Variants in SCNN1A observed in about 807,000 individuals in gnomAD.
The protein encoded by SCNN1A is epithelial sodium channel subunit alpha.
In SCNN1A, 65 loss-of-function variants were observed where a neutral mutation model predicts 68.6. The observed-to-expected ratio is 0.95, with a 90% confidence interval of 0.78 to 1.16. The LOEUF (loss-of-function observed/expected upper bound fraction) is 1.16, where lower values mean the gene tolerates loss of function less well. SCNN1A is among the 50% of genes most tolerant of loss of function. The pLI is 0.00. For synonymous variants in SCNN1A, 357 were observed against 353.3 expected (o/e 1.01, Z -0.12); for missense variants, 880 against 865.9 (o/e 1.02, Z -0.20).
At chr12:6,348,484 T>C (rs753170626) in intron 12 of SCNN1A, among the ~76,000 whole-genome samples, 12 of 146,890 alleles carry the variant, frequency 8.2e-5, no homozygotes, top group Non-Finnish European at 1.6e-4. Flanking sequence ...GGGGCATGGG[T>C]CAAGCGCCTT....
intron 4 of SCNN1A, chr12:6,356,526 A>T (rs1443729128): frequency 1.2e-5 from 2 of 165,642 alleles, no homozygotes; most frequent in Non-Finnish European, 2.7e-5. Flanking sequence ...GTGAGCACGG[A>T]GCTGAGGGGA....
At chr12:6,364,491 C>T (rs1387934705) in intron 2 of SCNN1A, among the ~76,000 whole-genome samples, 2 of 152,076 alleles carry the variant, frequency 1.3e-5, no homozygotes, top group Non-Finnish European at 2.9e-5. Context: ...TGTGGTGGCT[C>T]ACGCCTGTAA....
Position 6,347,757 on chromosome 12 carries a change from A to C in SCNN1A, c.*116T>G. ...CCATCTTGCTTCCCCTCCACACATC[A>C]ACGGCAGTTTGGGCGGCTCTGAGAG... is the stretch of plus-strand genomic sequence containing the variant. On this transcript the variant is annotated 3_prime_UTR_variant, in exon 13 of 13. Transcript: ENST00000228916. 3.4e-6 allele frequency: 3 copies of C among 881,636 alleles called. No homozygotes were observed. The highest frequency in any genetic ancestry group is 5.5e-6 in the Non-Finnish European group (3 of 544,094). 54.6% of individuals were successfully genotyped at this position (881,636 alleles called of 1,614,324 possible).
rs752626882 is a variant in SCNN1A at position 6,363,526 on chromosome 12, G to C, written c.601C>G (p.Arg201Gly). 11 of 1,609,584 alleles carry C rather than the reference G, an allele frequency of 6.8e-6. No homozygotes were observed. The highest frequency in any genetic ancestry group is 6.7e-5 in the Admixed American group (4 of 59,678). ...LRVPPPPHGARRARSVASSLR... is the reference protein window; with the variant it reads ...LRVPPPPHGAGRARSVASSLR... Reference sequence around the variant, plus strand: ...CTGGAGGCCACGCTACGGGCTCGACGGGCCCCGTGAGGCGGGGGCGGGACC... The same window carrying C: ...CTGGAGGCCACGCTACGGGCTCGACCGGCCCCGTGAGGCGGGGGCGGGACC... Residue 201 changes from arginine to glycine, a missense_variant, in exon 3 of 13, where the codon CGT becomes GGT. Coordinates refer to ENST00000228916, the MANE Select transcript of SCNN1A (RefSeq NM_001038.6).
chr12:6,369,071 G>C (rs1948730229), intron 2 of SCNN1A, among the ~76,000 whole-genome samples: 1 of 152,128 alleles, frequency 6.6e-6, no homozygotes, highest in African/African-American at 2.4e-5. Context: ...CTTGCCTGGA[G>C]TTATTTCCAC....
At chr12:6,355,203 C>T (rs1163180844) in intron 6 of SCNN1A, 69 bp downstream of exon 6, 1 of 1,539,938 alleles carries the variant, frequency 6.5e-7, no homozygotes, top group African/African-American at 1.4e-5. Context: ...TCTCCAGCCT[C>T]CCATGCCTCC....
Position 6,354,511 on chromosome 12 carries a change from A to G in SCNN1A, c.1287T>C (p.Cys429=), listed in dbSNP as rs1165703215. Reference sequence around the variant, plus strand: ...GCGGATAGAAGATGTAGGCACAGCCACACTCCTTGATCATGCTCTCCTGGA... The same window carrying G: ...GCGGATAGAAGATGTAGGCACAGCCGCACTCCTTGATCATGCTCTCCTGGA... The part of the protein sequence containing the change: ...SCFQESMIKE[C]GCAYIFYPRP... Residue 429 remains cysteine, a synonymous_variant, in exon 8 of 13, where the codon TGT becomes TGC. Transcript: ENST00000228916. The G allele has an allele frequency of 1.2e-6, 2 of 1,613,830 alleles. No homozygotes were observed. Among genetic ancestry groups the G allele is most frequent in the Non-Finnish European group, 1.7e-6 (2 of 1,179,998 alleles).
intron 8 of SCNN1A, among the ~76,000 whole-genome samples, chr12:6,350,791 C>T (rs909336705): frequency 7.9e-5 from 12 of 151,984 alleles, no homozygotes; most frequent in South Asian, 2.1e-4. Context: ...TTGCCAAGAT[C>T]GTGCCACTGC....
At chr12:6,348,692 C>CA in intron 12 of SCNN1A, 35 bp downstream of exon 12, 1 of 1,576,200 alleles carries the variant, frequency 6.3e-7, no homozygotes, top group African/African-American at 1.4e-5. Context: ...GTAAGACCCC[C>CA]AGAGCATCAC....
In SCNN1A at chr12:6,375,224, T is replaced by G. The variant is rs1055291189; in HGVS notation, c.-55+281A>C. On this transcript the variant is annotated intron_variant, in intron 1 of 12. Coordinates refer to ENST00000228916, the MANE Select transcript of SCNN1A (RefSeq NM_001038.6). ...ACTCCCTCTCTATCTGCCTTCTGTT[T>G]CTCTTTGGGTCTCTCCTGCTCTCCT... The G allele has an allele frequency of 3.5e-6, 5 of 1,440,436 alleles. No homozygotes were observed. In the East Asian group the frequency reaches 1.0e-4, roughly 29 times the overall value. The allele number at this position is 1,440,436 out of a possible 1,614,324, so 89.2% of individuals were successfully genotyped here.
intron 2 of SCNN1A, among the ~76,000 whole-genome samples, chr12:6,368,896 C>T (rs759584701): frequency 2.0e-5 from 3 of 152,202 alleles, no homozygotes; most frequent in Non-Finnish European, 4.4e-5. Context: ...GGGCATAACA[C>T]TAGATCTGCC....
chr12:6,367,086 A>C (rs12581183), intron 2 of SCNN1A, among the ~76,000 whole-genome samples: 37,843 of 151,948 alleles, frequency 0.25, 4,926 homozygotes, highest in South Asian at 0.35. Context: ...AAAAATACAA[A>C]AATTAGCCAG....
chr12:6,349,695 T>A (rs1037581154), intron 8 of SCNN1A: 11 of 348,312 alleles, frequency 3.2e-5, no homozygotes, highest in Admixed American at 8.1e-5. Flanking sequence ...GGCAACAGAG[T>A]GAGACCTTGT....
Position 6,348,062 on chromosome 12 carries a change from G to A in SCNN1A, c.1821C>T (p.Ser607=), listed in dbSNP as rs761525147. ...RGGRGAQEVA[S]TLASSPPSHF... ...GGGAAGGAGGGGAGGATGCCAGGGT[G>A]GAGGCTACCTCCTGAGCACCCCTGC... Residue 607 remains serine, a synonymous_variant, in exon 13 of 13, where the codon TCC becomes TCT. Transcript: ENST00000228916. 11 of 1,613,338 alleles carry A rather than the reference G, an allele frequency of 6.8e-6. No individual in the cohort carries two copies. The East Asian group carries it at 2.5e-4, about 36-fold the overall frequency.
In SCNN1A at chr12:6,347,746, CTCCACACATCAACGGCAG is replaced by C. The variant is rs1948282502; in HGVS notation, c.*109_*126del. 1 of 809,696 alleles carries C rather than the reference CTCCACACATCAACGGCAG, an allele frequency of 1.2e-6. No individual in the cohort carries two copies. Among genetic ancestry groups the C allele is most frequent in the Admixed American group, 2.1e-5 (1 of 48,618 alleles). The allele number at this position is 809,696 out of a possible 1,614,324, so 50.2% of individuals were successfully genotyped here. ...TGAGCCCTTACCCATCTTGCTTCCC[CTCCACACATCAACGGCAG>C]TTTGGGCGGCTCTGAGAGGAAGCCC... On this transcript the variant is annotated 3_prime_UTR_variant, in exon 13 of 13. Transcript: ENST00000228916.
intron 10 of SCNN1A, 48 bp from the exon 11 acceptor site, chr12:6,349,053 G>T (rs373451418): frequency 3.7e-6 from 6 of 1,608,472 alleles, no homozygotes; most frequent in Middle Eastern, 1.7e-4. Flanking sequence ...TATGCTTCAG[G>T]CTTACAGGGA....
Position 6,358,190 on chromosome 12 carries a change from T to C in SCNN1A, c.876-2310A>G, listed in dbSNP as rs1048902138. Among the ~76,000 whole-genome samples, 3 of 152,228 alleles carry C rather than the reference T, an allele frequency of 2.0e-5. No individual in the cohort carries two copies. In the East Asian group the frequency reaches 5.8e-4, roughly 29 times the overall value. ...GGGGTGTTGAGCATGAAATTATGCT[T>C]AGAATGGTGTCTAGCCTTAGTAAGA... On this transcript the variant is annotated intron_variant, in intron 4 of 12. Coordinates refer to ENST00000228916, the MANE Select transcript of SCNN1A (RefSeq NM_001038.6).
intron 4 of SCNN1A, among the ~76,000 whole-genome samples, chr12:6,359,968 G>C (rs948802629): frequency 1.3e-5 from 2 of 151,830 alleles, no homozygotes; most frequent in Admixed American, 1.3e-4. Flanking sequence ...ATGGGGTTTC[G>C]CCATGTTGGC....
chr12:6,363,630 G>T lies in SCNN1A; in HGVS notation c.497C>A (p.Ser166Tyr), dbSNP rs1252047866. Residue 166 changes from serine (S) to tyrosine (Y), a missense_variant, in exon 3 of 13, where the codon TCC (serine) becomes TAC (tyrosine). Physicochemically the swap from Ser to Tyr is moderately radical, Grantham distance 144. This residue lies in a region of SCNN1A where 758 missense variants were observed against 721.8 expected (regional missense o/e 1.05). Transcript: ENST00000228916. The stretch of plus-strand genomic sequence containing the variant: ...GGAGCCGGCCACGAGAGTGGTGAAG[G>T]AGCTGTATTTGTACAGGTCAAAGAG... ...QTLFDLYKYS[S>Y]FTTLVAGSRS... The T allele has an allele frequency of 1.2e-6, 2 of 1,613,322 alleles. No individual in the cohort carries two copies. The highest frequency in any genetic ancestry group is 3.3e-5 in the Admixed American group (2 of 59,980).
Sources: gnomAD v4.1 joint callset for allele counts (sites outside exome capture counted in the v4.1 genomes callset) on GRCh38, gnomAD v4.1.1 for gene constraint, gnomAD v4.1.1 regional missense constraint, MANE v1.5 for transcripts, NCBI Gene and HGNC (gene_info 2026-07-23, HGNC 2026-07-21) for gene names.